Variants in GAS5 observed in about 807,000 individuals in gnomAD.
The protein encoded by GAS5 is growth arrest specific 5 (non-protein coding).
chr1:173,867,175 G>A (rs1028763380), upstream of GAS5: 26 of 579,288 alleles, frequency 4.5e-5, no homozygotes, highest in Non-Finnish European at 6.7e-5. Context: ...CTAGCGACAG[G>A]TAAAGGATAC....
chr1:173,865,890 T>C (rs1654519001), exon 5 of GAS5: 1 of 518,704 alleles, frequency 1.9e-6, no homozygotes, highest in Non-Finnish European at 3.8e-6. Flanking sequence ...CAAGTTGGAC[T>C]CCACCTAAGA....
chr1:173,865,932 A>C (rs1350931916), intron 4 of GAS5: 3 of 519,108 alleles, frequency 5.8e-6, no homozygotes, highest in Non-Finnish European at 1.2e-5. Context: ...GCCACAGATG[A>C]GTGTTCACCC....
Position 173,867,038 on chromosome 1 carries a change from C to A in GAS5, n.8G>T, listed in dbSNP as rs1252059338. 3 of 752,816 alleles carry A rather than the reference C, an allele frequency of 4.0e-6. No homozygotes were observed. In the African/African-American group the frequency reaches 5.1e-5, roughly 13 times the overall value. 46.6% of individuals were successfully genotyped at this position (752,816 alleles called of 1,614,324 possible). ...AGCCACACTGCATCTGCACCCAGCA[C>A]CATACCTAAAGAGATCAGGTACAGA... On this transcript the variant is annotated non_coding_transcript_exon_variant, in exon 1 of 8. Coordinates refer to ENST00000651080, the Ensembl canonical transcript of GAS5.
chr1:173,864,640 C>T (rs1654273396), intron 6 of GAS5: 7 of 387,494 alleles, frequency 1.8e-5, no homozygotes, highest in Non-Finnish European at 1.0e-5. Context: ...AAACCTTTTG[C>T]CACCTTAAAA....
chr1:173,866,864 T>C (rs1380420013), intron 1 of GAS5: 1 of 765,534 alleles, frequency 1.3e-6, no homozygotes, highest in Non-Finnish European at 2.4e-6. Flanking sequence ...TAAATATAAA[T>C]GCTGTTAACA....
upstream of GAS5, chr1:173,867,045 TAA>T: frequency 2.7e-6 from 2 of 731,080 alleles, no homozygotes; most frequent in South Asian, 1.4e-5. Context: ...GCACCATACC[TAA>T]AGAGATCAGG....
upstream of GAS5, chr1:173,867,321 A>T: frequency 2.3e-6 from 1 of 436,982 alleles, no homozygotes; most frequent in Non-Finnish European, 4.1e-6. Flanking sequence ...GGAGTTCAAG[A>T]CCAGTCTCGC....
At chr1:173,865,027 C>G (rs1470383784) in intron 6 of GAS5, 8 of 419,696 alleles carry the variant, frequency 1.9e-5, no homozygotes. Context: ...CGAGACCAGC[C>G]TGGACAACAT....
exon 1 of GAS5, chr1:173,867,012 G>C: frequency 1.3e-6 from 1 of 764,330 alleles, no homozygotes; most frequent in Non-Finnish European, 2.4e-6. Flanking sequence ...GTGCTATCCA[G>C]AGCCACACTG....
intron 5 of GAS5, chr1:173,865,634 AC>A (rs777364347): frequency 5.8e-6 from 3 of 519,106 alleles, no homozygotes; most frequent in Non-Finnish European, 1.2e-5. Context: ...CTTCAGTGTT[AC>A]CTTTGTCTAC....
upstream of GAS5, chr1:173,867,309 C>G (rs1246202216): frequency 6.6e-6 from 3 of 452,202 alleles, no homozygotes; most frequent in East Asian, 4.0e-5. Flanking sequence ...CACCTGAGGT[C>G]AGGAGTTCAA....
chr1:173,864,189 A>T (rs752063911), intron 7 of GAS5: 1 of 518,558 alleles, frequency 1.9e-6, no homozygotes, highest in East Asian at 5.5e-5. Context: ...TCAGTGAGAG[A>T]GTTCAAGTTG....
chr1:173,868,670 A>G (rs909653595), upstream of GAS5: 1 of 152,302 alleles, frequency 6.6e-6, no homozygotes, highest in African/African-American at 2.4e-5. Context: ...ACACACCCAG[A>G]TACGCACACC....
upstream of GAS5, chr1:173,868,056 C>G (rs115489088): frequency 1.5e-3 from 257 of 172,246 alleles, no homozygotes; most frequent in Middle Eastern, 8.5e-3. Context: ...ACGCTCCCGG[C>G]AGCGTCCGCT....
intron 7 of GAS5, chr1:173,864,081 T>C (rs1654177356): frequency 2.1e-6 from 1 of 482,264 alleles, no homozygotes; most frequent in Admixed American, 2.1e-5. Flanking sequence ...AGACCCTGTC[T>C]CAAAAAATAA....
chr1:173,867,035 G>A, exon 1 of GAS5: 1 of 753,760 alleles, frequency 1.3e-6, no homozygotes, highest in Non-Finnish European at 2.4e-6. Context: ...TCTGCACCCA[G>A]CACCATACCT....
upstream of GAS5, chr1:173,867,882 C>T (rs1013267090): frequency 2.4e-6 from 1 of 420,742 alleles, no homozygotes; most frequent in African/African-American, 2.0e-5. Flanking sequence ...TTAGAAGTCC[C>T]AGTCAATTCA....
chr1:173,866,480 A>AT, intron 3 of GAS5: 2 of 649,090 alleles, frequency 3.1e-6, no homozygotes, highest in South Asian at 1.5e-5. Flanking sequence ...TGCTTTGGCT[A>AT]TTTTCTAATC....
intron 6 of GAS5, chr1:173,864,909 C>T (rs1448893864): frequency 1.9e-6 from 1 of 517,980 alleles, no homozygotes; most frequent in Non-Finnish European, 3.9e-6. Context: ...ATTGTATCGG[C>T]TTTACAACAC....
Sources: allele counts gnomAD v4.1 joint callset, GRCh38; gene constraint gnomAD v4.1.1; transcripts MANE v1.5; gene names NCBI Gene and HGNC (gene_info 2026-07-23, HGNC 2026-07-21).